ZBTB16: variants seen among roughly 807,000 people sequenced by gnomAD.
ZBTB16 encodes the protein zinc finger and BTB domain containing 16.
Under a neutral mutation model 56.8 loss-of-function variants are expected in ZBTB16, and 8 were observed. The observed-to-expected ratio is 0.14, with a 90% CI of 0.08 to 0.25. The LOEUF is 0.25. Among genes scored for constraint, ZBTB16 ranks in the 10% least tolerant of loss-of-function variants. The probability of loss-of-function intolerance (pLI) is 1.00; values close to 1 mark genes in which losing one functional copy is unlikely to be tolerated. For missense variants in ZBTB16, 625 were observed against 903.0 expected (o/e 0.69, Z 3.95); for synonymous variants, 363 against 368.5 (o/e 0.98, Z 0.17).
At chr11:114,111,526 A>AAAT (rs2137780398) in intron 2 of ZBTB16, among the ~76,000 whole-genome samples, 1 of 152,272 alleles carries the variant, frequency 6.6e-6, no homozygotes, top group South Asian at 2.1e-4. Flanking sequence ...AAATGACGCT[A>AAAT]AATAATGTTA....
chr11:114,232,157 C>G (rs1944451456), intron 4 of ZBTB16, among the ~76,000 whole-genome samples: 1 of 152,158 alleles, frequency 6.6e-6, no homozygotes, highest in South Asian at 2.1e-4. Context: ...CCTCTAAGAT[C>G]AGCTGAATTC....
intron 2 of ZBTB16, among the ~76,000 whole-genome samples, chr11:114,141,717 C>G (rs775057133): frequency 1.1e-4 from 17 of 152,178 alleles, no homozygotes; most frequent in Admixed American, 6.5e-5. Flanking sequence ...CTTAAACTTC[C>G]CGTTCTACTA....
At chr11:114,208,677 G>T (rs1250697596) in intron 4 of ZBTB16, among the ~76,000 whole-genome samples, 3 of 152,058 alleles carry the variant, frequency 2.0e-5, no homozygotes, top group South Asian at 2.1e-4. Flanking sequence ...CTTTTCTTCC[G>T]TTGGCTTCTT....
intron 5 of ZBTB16, among the ~76,000 whole-genome samples, chr11:114,243,360 T>C (rs1400676730): frequency 6.6e-6 from 1 of 152,244 alleles, no homozygotes; most frequent in Non-Finnish European, 1.5e-5. Flanking sequence ...AGATTGAGTA[T>C]GCAGACCAGG....
At chr11:114,145,435 G>A (rs1591712500) in intron 2 of ZBTB16, among the ~76,000 whole-genome samples, 2 of 152,198 alleles carry the variant, frequency 1.3e-5, no homozygotes, top group East Asian at 3.9e-4. Context: ...GCTGATGAAT[G>A]GATAAACAAA....
intron 2 of ZBTB16, among the ~76,000 whole-genome samples, chr11:114,113,838 A>G (rs933350169): frequency 2.0e-5 from 3 of 152,238 alleles, no homozygotes; most frequent in Non-Finnish European, 4.4e-5. Flanking sequence ...CTAATCATCC[A>G]GTTAGTCCTG....
intron 4 of ZBTB16, among the ~76,000 whole-genome samples, chr11:114,201,694 T>C (rs945802740): frequency 6.6e-6 from 1 of 152,240 alleles, no homozygotes; most frequent in African/African-American, 2.4e-5. Flanking sequence ...AATCAGGTTA[T>C]ATAGTGTGGT....
At chr11:114,229,393 G>A (rs1429083124) in intron 4 of ZBTB16, among the ~76,000 whole-genome samples, 1 of 152,208 alleles carries the variant, frequency 6.6e-6, no homozygotes, top group Non-Finnish European at 1.5e-5. Flanking sequence ...AAACGAGATT[G>A]AAACTATGGG....
chr11:114,144,203 CACA>C (rs1942039518), intron 2 of ZBTB16, among the ~76,000 whole-genome samples: 1 of 151,948 alleles, frequency 6.6e-6, no homozygotes, highest in African/African-American at 2.4e-5. Flanking sequence ...CACACACACA[CACA>C]CACACACTCC....
chr11:114,210,077 C>G (rs963017483), intron 4 of ZBTB16: 2 of 444,342 alleles, frequency 4.5e-6, no homozygotes, highest in South Asian at 1.9e-4. Flanking sequence ...CTGAGAAGAG[C>G]AGATGAAGGA....
intron 2 of ZBTB16, among the ~76,000 whole-genome samples, chr11:114,115,396 C>T (rs1248707230): frequency 1.4e-5 from 2 of 142,438 alleles, no homozygotes; most frequent in African/African-American, 5.2e-5. Context: ...AACTTCCAAA[C>T]ATCAGCTTTG....
At chr11:114,067,842 C>G (rs1333819336) in intron 2 of ZBTB16, among the ~76,000 whole-genome samples, 4 of 152,070 alleles carry the variant, frequency 2.6e-5, no homozygotes, top group African/African-American at 7.2e-5. Flanking sequence ...TGCGTGTGCT[C>G]AGCCCTCACT....
intron 2 of ZBTB16, among the ~76,000 whole-genome samples, chr11:114,092,487 C>A (rs768374734): frequency 6.6e-6 from 1 of 152,234 alleles, no homozygotes; most frequent in Non-Finnish European, 1.5e-5. Context: ...GTTGTCCTCA[C>A]ATCCATTGTG....
At chr11:114,235,710 TTC>T in intron 4 of ZBTB16, among the ~76,000 whole-genome samples, 1 of 140,408 alleles carries the variant, frequency 7.1e-6, no homozygotes. Context: ...TTTCTTTTCT[TTC>T]TTTCTTTTTC....
At chr11:114,196,782 A>G (rs1001063192) in intron 4 of ZBTB16, among the ~76,000 whole-genome samples, 2 of 130,400 alleles carry the variant, frequency 1.5e-5, no homozygotes, top group Non-Finnish European at 3.3e-5. Flanking sequence ...AGATAATTCA[A>G]TAGCTGTACT....
At chr11:114,183,719 G>T (rs1180407448) in intron 3 of ZBTB16, among the ~76,000 whole-genome samples, 2 of 152,226 alleles carry the variant, frequency 1.3e-5, no homozygotes, top group Non-Finnish European at 1.5e-5. Context: ...CTGATGATTT[G>T]GGACTGGGGG....
chr11:114,219,814 T>A (rs1354719784), intron 4 of ZBTB16, among the ~76,000 whole-genome samples: 1 of 152,178 alleles, frequency 6.6e-6, no homozygotes, highest in Non-Finnish European at 1.5e-5. Context: ...CTGAGTTGCC[T>A]TGAACTAATT....
chr11:114,124,588 A>T (rs1369523061), intron 2 of ZBTB16, among the ~76,000 whole-genome samples: 4 of 152,108 alleles, frequency 2.6e-5, no homozygotes, highest in Admixed American at 6.5e-5. Flanking sequence ...ACAAAACAAA[A>T]AAAACCAACT....
At chr11:114,157,594 C>A (rs1217207220) in intron 3 of ZBTB16, among the ~76,000 whole-genome samples, 2 of 152,198 alleles carry the variant, frequency 1.3e-5, no homozygotes, top group African/African-American at 4.8e-5. Context: ...TACTGTCTTT[C>A]CCCTGAGCCC....
Sources: gnomAD v4.1 joint callset for allele counts (sites outside exome capture counted in the v4.1 genomes callset) on GRCh38, gnomAD v4.1.1 for gene constraint, MANE v1.5 for transcripts, NCBI Gene and HGNC (gene_info 2026-07-23, HGNC 2026-07-21) for gene names.